CFAP299: variants seen among roughly 807,000 people sequenced by gnomAD.
CFAP299 encodes cilia and flagella associated protein 299, also known as cilia- and flagella-associated protein 299.
Under a neutral mutation model 27.0 loss-of-function variants are expected in CFAP299, and 21 were observed. That is an observed-to-expected ratio of 0.78 (90% confidence interval 0.55 to 1.12). The LOEUF (loss-of-function observed/expected upper bound fraction) is 1.12, where lower values mean the gene tolerates loss of function less well. CFAP299 is among the 50% of genes most tolerant of loss of function. The pLI is 0.00. For synonymous variants in CFAP299, 104 were observed against 98.1 expected (o/e 1.06, Z -0.36); for missense variants, 310 against 276.6 (o/e 1.12, Z -0.86).
chr4:80,814,592 GTC>G (rs1729327720), intron 3 of CFAP299, among the ~76,000 whole-genome samples: 2 of 151,814 alleles, frequency 1.3e-5, no homozygotes, highest in Admixed American at 1.3e-4. Flanking sequence ...TAATTTTAAT[GTC>G]TCTGACTAAT....
intron 2 of CFAP299, among the ~76,000 whole-genome samples, chr4:80,466,397 G>T (rs976687836): frequency 6.6e-6 from 1 of 152,162 alleles, no homozygotes; most frequent in African/African-American, 2.4e-5. Flanking sequence ...TATTGGAATT[G>T]CTTATAAATG....
At position 80,373,499 on chromosome 4, in the gene CFAP299, C is replaced by T. The variant is rs149269019; in HGVS notation, c.242+10615C>T. 3.3e-5 allele frequency among the ~76,000 whole-genome samples: 5 copies of T among 152,218 alleles called. No homozygotes were observed. The East Asian group carries it at 5.8e-4, about 18-fold the overall frequency. On this transcript the variant is annotated intron_variant, in intron 2 of 5. Coordinates refer to ENST00000358105, the MANE Select transcript of CFAP299 (RefSeq NM_152770.3). Reference sequence around the variant, plus strand: ...AACTGAATGATATATGGCAGTGCATCGTGCTTTTTTACTGGAATGGCTGCC... The same window carrying T: ...AACTGAATGATATATGGCAGTGCATTGTGCTTTTTTACTGGAATGGCTGCC...
At chr4:80,394,577 A>C (rs1335744786) in intron 2 of CFAP299, among the ~76,000 whole-genome samples, 5 of 152,106 alleles carry the variant, frequency 3.3e-5, no homozygotes, top group Non-Finnish European at 5.9e-5. Context: ...ATAAGTCATT[A>C]ATCCATTTTG....
chr4:80,670,312 A>C (rs994066676), intron 3 of CFAP299, among the ~76,000 whole-genome samples: 4 of 152,192 alleles, frequency 2.6e-5, no homozygotes, highest in Non-Finnish European at 5.9e-5. Flanking sequence ...TGCAAAGGAC[A>C]TGAACTCATC....
chr4:80,736,753 G>A (rs1401089992), intron 3 of CFAP299, among the ~76,000 whole-genome samples: 1 of 152,140 alleles, frequency 6.6e-6, no homozygotes, highest in East Asian at 1.9e-4. Context: ...AAGTCAGTGT[G>A]GTGATTCCTC....
chr4:80,916,293 A>ATATTTATT (rs1196946898), intron 4 of CFAP299, among the ~76,000 whole-genome samples: 2 of 126,646 alleles, frequency 1.6e-5, no homozygotes, highest in African/African-American at 6.3e-5. Flanking sequence ...ATATATATAT[A>ATATTTATT]TATTTCAGGT....
At chr4:80,609,199 G>A (rs1227548624) in intron 3 of CFAP299, among the ~76,000 whole-genome samples, 1 of 151,946 alleles carries the variant, frequency 6.6e-6, no homozygotes, top group Non-Finnish European at 1.5e-5. Flanking sequence ...AGTATATGTT[G>A]GGTTAAATAA....
chr4:80,536,077 G>C (rs955958971), intron 2 of CFAP299, among the ~76,000 whole-genome samples: 1 of 152,160 alleles, frequency 6.6e-6, no homozygotes, highest in Non-Finnish European at 1.5e-5. Context: ...TTGAAGATCT[G>C]TCTGATGGTT....
intron 4 of CFAP299, among the ~76,000 whole-genome samples, chr4:80,901,430 G>T (rs910027595): frequency 6.6e-6 from 1 of 151,984 alleles, no homozygotes; most frequent in Non-Finnish European, 1.5e-5. Context: ...AAACATTCTG[G>T]CTCCTTCTGT....
intron 4 of CFAP299, among the ~76,000 whole-genome samples, chr4:80,876,634 G>A (rs1733393402): frequency 6.6e-6 from 1 of 152,058 alleles, no homozygotes; most frequent in South Asian, 2.1e-4. Flanking sequence ...TAAAGTGTTA[G>A]CTGGCTTAAC....
chr4:80,342,407 G>A (rs1381396356), intron 1 of CFAP299, among the ~76,000 whole-genome samples: 2 of 152,094 alleles, frequency 1.3e-5, no homozygotes, highest in Non-Finnish European at 2.9e-5. Flanking sequence ...AAATGTTAAA[G>A]GCAGCCGCAG....
At chr4:80,626,163 T>G (rs1203669878) in intron 3 of CFAP299, among the ~76,000 whole-genome samples, 5 of 151,954 alleles carry the variant, frequency 3.3e-5, no homozygotes, top group African/African-American at 9.7e-5. Context: ...TCTTAACAAA[T>G]TTATGAAGGT....
intron 2 of CFAP299, among the ~76,000 whole-genome samples, chr4:80,504,780 G>A (rs1035325945): frequency 4.7e-5 from 7 of 147,660 alleles, no homozygotes; most frequent in Non-Finnish European, 1.0e-4. Flanking sequence ...GGTTACCAAG[G>A]CCTAAGAGGA....
chr4:80,687,869 C>A (rs927629175), intron 3 of CFAP299, among the ~76,000 whole-genome samples: 1 of 152,150 alleles, frequency 6.6e-6, no homozygotes. Flanking sequence ...GGCATTGCCT[C>A]ACTGGGGAAG....
chr4:80,380,790 AC>A (rs1724662773), intron 2 of CFAP299, among the ~76,000 whole-genome samples: 1 of 152,152 alleles, frequency 6.6e-6, no homozygotes, highest in African/African-American at 2.4e-5. Context: ...GTAATCGTCT[AC>A]AATCTGTTGT....
chr4:80,770,517 A>G (rs1450067572), intron 3 of CFAP299, among the ~76,000 whole-genome samples: 1 of 152,234 alleles, frequency 6.6e-6, no homozygotes, highest in African/African-American at 2.4e-5. Context: ...ATTTTTAAGT[A>G]CAAACAAGGT....
At chr4:80,362,641 T>G in intron 1 of CFAP299, 113 bp from the exon 2 acceptor site, 1 of 1,150,818 alleles carries the variant, frequency 8.7e-7, no homozygotes, top group Non-Finnish European at 1.2e-6. Flanking sequence ...ATACATTTAA[T>G]TTTTCATTTA....
At chr4:80,704,790 T>C (rs997871197) in intron 3 of CFAP299, among the ~76,000 whole-genome samples, 2 of 151,856 alleles carry the variant, frequency 1.3e-5, no homozygotes, top group African/African-American at 4.8e-5. Flanking sequence ...GCAAGCACTT[T>C]TGGAGGTTTC....
chr4:80,843,533 C>A (rs897728052), intron 3 of CFAP299, among the ~76,000 whole-genome samples: 1 of 151,926 alleles, frequency 6.6e-6, no homozygotes, highest in African/African-American at 2.4e-5. Flanking sequence ...AGTGCCACAA[C>A]AAACATACGT....
Sources: allele counts gnomAD v4.1 joint callset (sites outside exome capture counted in the v4.1 genomes callset), GRCh38; gene constraint gnomAD v4.1.1; transcripts MANE v1.5; gene names NCBI Gene and HGNC (gene_info 2026-07-23, HGNC 2026-07-21).